Variants in JARID2 observed in about 807,000 individuals in gnomAD.
The protein encoded by JARID2 is protein Jumonji.
A neutral mutation model predicts 125.6 loss-of-function variants in JARID2; 21 were observed. The observed-to-expected ratio is 0.17, with a 90% CI of 0.12 to 0.24. The LOEUF (loss-of-function observed/expected upper bound fraction) is 0.24. Among genes scored for constraint, JARID2 ranks in the 10% least tolerant of loss-of-function variants. The pLI is 1.00. For synonymous variants in JARID2, 736 were observed against 661.6 expected, an observed-to-expected ratio of 1.11 and a Z score of -1.73; for missense variants, 1,303 against 1,639.6, an observed-to-expected ratio of 0.79 and a Z score of 3.55.
At chr6:15,260,588 A>G (rs1008411473) in intron 1 of JARID2, among the ~76,000 whole-genome samples, 3 of 152,212 alleles carry the variant, frequency 2.0e-5, no homozygotes, top group South Asian at 4.1e-4. Flanking sequence ...AACACCATCA[A>G]TTAGTTCTGC....
At chr6:15,477,955 C>T (rs748190826) in intron 5 of JARID2, among the ~76,000 whole-genome samples, 3 of 152,180 alleles carry the variant, frequency 2.0e-5, no homozygotes, top group Non-Finnish European at 2.9e-5. Flanking sequence ...TCATCAGCCT[C>T]GCCAGAACTA....
chr6:15,323,973 C>T (rs530667906), intron 1 of JARID2, among the ~76,000 whole-genome samples: 1 of 151,442 alleles, frequency 6.6e-6, no homozygotes, highest in Non-Finnish European at 1.5e-5. Flanking sequence ...ACAAGGTCAG[C>T]AGATCGAGAC....
intron 1 of JARID2, among the ~76,000 whole-genome samples, chr6:15,327,565 G>A (rs572643187): frequency 3.4e-4 from 52 of 152,092 alleles, no homozygotes; most frequent in African/African-American, 1.0e-3. Context: ...GTGTGTGTGC[G>A]TGTGCATGTG....
intron 1 of JARID2, among the ~76,000 whole-genome samples, chr6:15,257,145 ACTTTT>A (rs1759697002): frequency 1.3e-5 from 2 of 152,158 alleles, no homozygotes; most frequent in Admixed American, 1.3e-4. Context: ...CTTTGGAAAT[ACTTTT>A]CTTTTCAGGG....
In JARID2 at chr6:15,520,900, A is replaced by G; in HGVS notation, c.*649A>G. The G allele has an allele frequency of 2.2e-6, 1 of 450,834 alleles. No homozygotes were observed. The highest frequency in any genetic ancestry group is 4.5e-6 in the Non-Finnish European group (1 of 223,084). The allele number at this position is 450,834 out of a possible 1,614,324, so 27.9% of individuals were successfully genotyped here. A position where few individuals can be genotyped will look rare whatever the true frequency, so the allele number is the denominator to read the frequency against. ...GCTCTCCACCAGCACATCACTATGCATCTGTTCCAGGAAAGAAGAAAAGCG... is the reference window on the plus strand; with the variant it reads ...GCTCTCCACCAGCACATCACTATGCGTCTGTTCCAGGAAAGAAGAAAAGCG... On this transcript the variant is annotated 3_prime_UTR_variant, in exon 18 of 18. Coordinates refer to ENST00000341776, the MANE Select transcript of JARID2 (RefSeq NM_004973.4).
intron 2 of JARID2, among the ~76,000 whole-genome samples, chr6:15,391,335 G>T (rs576589226): frequency 9.9e-5 from 15 of 152,274 alleles, no homozygotes; most frequent in Non-Finnish European, 1.9e-4. Context: ...GTTTGTATAG[G>T]AGGGGTACCC....
intron 1 of JARID2, among the ~76,000 whole-genome samples, chr6:15,371,162 C>T (rs1185368746): frequency 2.0e-5 from 3 of 152,198 alleles, no homozygotes; most frequent in Non-Finnish European, 4.4e-5. Context: ...CTTAAATGCG[C>T]TTCCTTTCTT....
intron 2 of JARID2, 102 bp downstream of exon 2, chr6:15,374,354 A>G: frequency 8.6e-7 from 1 of 1,157,384 alleles, no homozygotes; most frequent in South Asian, 1.4e-5. Context: ...TTCCTGGTCT[A>G]GGCACCTAAA....
At chr6:15,453,746 C>G (rs1768026798) in intron 4 of JARID2, among the ~76,000 whole-genome samples, 1 of 152,216 alleles carries the variant, frequency 6.6e-6, no homozygotes, top group South Asian at 2.1e-4. Flanking sequence ...GGATCCTCAT[C>G]AGGCTGGCTT....
intron 1 of JARID2, among the ~76,000 whole-genome samples, chr6:15,333,255 C>T (rs1388097394): frequency 6.6e-6 from 1 of 152,130 alleles, no homozygotes; most frequent in Non-Finnish European, 1.5e-5. Context: ...AAAGTATATA[C>T]AACTCGGTGT....
At chr6:15,441,590 T>G (rs2127618598) in intron 3 of JARID2, among the ~76,000 whole-genome samples, 2 of 152,284 alleles carry the variant, frequency 1.3e-5, no homozygotes, top group East Asian at 3.9e-4. Flanking sequence ...ACATGTAAGA[T>G]GCCAGAGCCC....
chr6:15,331,858 C>G (rs1762721869), intron 1 of JARID2, among the ~76,000 whole-genome samples: 1 of 152,094 alleles, frequency 6.6e-6, no homozygotes, highest in Non-Finnish European at 1.5e-5. Flanking sequence ...TGCAGTTTCG[C>G]TTTCTGTGGT....
At chr6:15,370,627 C>T (rs1764132789) in intron 1 of JARID2, among the ~76,000 whole-genome samples, 1 of 152,096 alleles carries the variant, frequency 6.6e-6, no homozygotes, top group Non-Finnish European at 1.5e-5. Flanking sequence ...AGGTGTGAGC[C>T]ACCGCGCCCG....
intron 4 of JARID2, among the ~76,000 whole-genome samples, chr6:15,454,675 C>G (rs1768075864): frequency 6.7e-6 from 1 of 149,232 alleles, no homozygotes; most frequent in South Asian, 2.1e-4. Context: ...GAGAAGGAGT[C>G]TTGCTGTGTT....
intron 1 of JARID2, among the ~76,000 whole-genome samples, chr6:15,277,960 A>C (rs1390411810): frequency 6.6e-6 from 1 of 152,124 alleles, no homozygotes; most frequent in African/African-American, 2.4e-5. Flanking sequence ...AAAAAAGGTG[A>C]ACTCTGGTTG....
intron 1 of JARID2, among the ~76,000 whole-genome samples, chr6:15,308,418 CTCAGCCTCTCTAAGGATAATGGCTTT>C (rs1350105870): frequency 1.3e-5 from 2 of 152,190 alleles, no homozygotes; most frequent in Admixed American, 1.3e-4. Context: ...TTTCCCTCAA[CTCAGCCTCTCTAAGGATAATGGCTTT>C]TCACAGAAGC....
At chr6:15,510,648 AG>A (rs945795352) in intron 12 of JARID2, among the ~76,000 whole-genome samples, 58 of 152,278 alleles carry the variant, frequency 3.8e-4, no homozygotes, top group African/African-American at 1.4e-3. Context: ...GATGCCGGGT[AG>A]GCTGGGTCCT....
chr6:15,415,827 C>CCCCCACCTCCCCACCT (rs543828488), intron 3 of JARID2, among the ~76,000 whole-genome samples: 30 of 135,646 alleles, frequency 2.2e-4, no homozygotes, highest in African/African-American at 5.8e-4. Flanking sequence ...GGGGCTGACC[C>CCCCCACCTCCCCACCT]CCCCACCTCC....
chr6:15,351,442 C>T (rs1763425230), intron 1 of JARID2, among the ~76,000 whole-genome samples: 1 of 152,150 alleles, frequency 6.6e-6, no homozygotes, highest in African/African-American at 2.4e-5. Flanking sequence ...AGACACTGGC[C>T]TCATGGAGCA....
Sources: allele counts gnomAD v4.1 joint callset (sites outside exome capture counted in the v4.1 genomes callset), GRCh38; gene constraint gnomAD v4.1.1; transcripts MANE v1.5; gene names NCBI Gene and HGNC (gene_info 2026-07-23, HGNC 2026-07-21).